RBBP5: variants seen among roughly 807,000 people sequenced by gnomAD.
RBBP5 encodes the protein RB binding protein 5, histone lysine methyltransferase complex subunit, also known as retinoblastoma-binding protein 5.
In RBBP5, 5 loss-of-function variants were observed where a neutral mutation model predicts 72.2. The ratio of observed to expected loss-of-function variants is 0.07; its 90% CI spans 0.04 to 0.15. The LOEUF (loss-of-function observed/expected upper bound fraction) is 0.15, where lower values mean the gene tolerates loss of function less well. Ranked by LOEUF, RBBP5 falls within the 10% of genes least tolerant of loss-of-function variation. The pLI is 1.00. For missense variants in RBBP5, 322 were observed against 652.2 expected (o/e 0.49, Z 5.51); for synonymous variants, 209 against 237.2 (o/e 0.88, Z 1.09).
rs940801324 is a variant in RBBP5 at position 205,088,727 on chromosome 1, C to A, written c.*60G>T. On this transcript the variant is annotated 3_prime_UTR_variant, in exon 14 of 14. Transcript: ENST00000264515. The stretch of plus-strand genomic sequence containing the variant: ...TAAAGTCAATTTTCAAATGACTGAC[C>A]ACAGTGTCCAGAGGCCACATGATGG... 1.3e-6 allele frequency: 2 copies of A among 1,509,084 alleles called. No individual in the cohort carries two copies. Among genetic ancestry groups the A allele is most frequent in the Admixed American group, 3.7e-5 (2 of 53,946 alleles). The allele number at this position is 1,509,084 out of a possible 1,614,324, so 93.5% of individuals were successfully genotyped here.
intron 1 of RBBP5, among the ~76,000 whole-genome samples, chr1:205,119,995 T>C (rs1259392363): frequency 6.6e-6 from 1 of 152,190 alleles, no homozygotes; most frequent in Non-Finnish European, 1.5e-5. Flanking sequence ...CTAGACCACA[T>C]TCAGCTTCTC....
intron 13 of RBBP5, chr1:205,091,381 C>A (rs1017328341): frequency 3.3e-5 from 5 of 152,236 alleles, no homozygotes; most frequent in Non-Finnish European, 7.3e-5. Flanking sequence ...TTAGCCTGGT[C>A]CTTCCCAAAA....
intron 3 of RBBP5, among the ~76,000 whole-genome samples, chr1:205,112,455 T>C (rs12027259): frequency 0.19 from 28,852 of 152,158 alleles, 3,037 homozygotes; most frequent in East Asian, 0.39. Context: ...AGTTCTTGTA[T>C]AGGACATATA....
At chr1:205,090,852 A>G (rs1488885796) in intron 13 of RBBP5, among the ~76,000 whole-genome samples, 1 of 152,114 alleles carries the variant, frequency 6.6e-6, no homozygotes, top group Non-Finnish European at 1.5e-5. Context: ...CTTCACAAGG[A>G]AAGGAAGGAA....
chr1:205,121,693 G>A (rs554267444), intron 1 of RBBP5, among the ~76,000 whole-genome samples, 162 bp downstream of exon 1: 105 of 152,336 alleles, frequency 6.9e-4, no homozygotes, highest in African/African-American at 2.2e-3. Context: ...TACTCGGGCA[G>A]AAGGTGGGCT....
At chr1:205,098,339 C>A (rs1655694051) in intron 10 of RBBP5, among the ~76,000 whole-genome samples, 1 of 152,164 alleles carries the variant, frequency 6.6e-6, no homozygotes, top group Non-Finnish European at 1.5e-5. Flanking sequence ...AAAAGCTGAG[C>A]ACTCTTAGCA....
At chr1:205,106,321 G>A (rs941970492) in intron 3 of RBBP5, among the ~76,000 whole-genome samples, 3 of 152,168 alleles carry the variant, frequency 2.0e-5, no homozygotes, top group South Asian at 2.1e-4. Context: ...TAGGACGGGC[G>A]CAATGGCTCA....
chr1:205,118,790 A>C (rs943830995), intron 1 of RBBP5, among the ~76,000 whole-genome samples: 8 of 152,208 alleles, frequency 5.3e-5, no homozygotes, highest in African/African-American at 1.9e-4. Flanking sequence ...AAGTTTGACA[A>C]ATGATCTTAT....
chr1:205,108,912 T>G (rs965724809), intron 3 of RBBP5, among the ~76,000 whole-genome samples: 1 of 152,212 alleles, frequency 6.6e-6, no homozygotes, highest in East Asian at 1.9e-4. Context: ...TGGCACATAA[T>G]AAGTACTCAA....
chr1:205,100,135 T>C lies in RBBP5; in HGVS notation c.752+17A>G, dbSNP rs1655761789. ...GGTCATGAATGATCACATATTCTTC[T>C]AGGTTGTGATACATACCTATTCACC... is the stretch of plus-strand genomic sequence containing the variant. On this transcript the variant is annotated intron_variant, in intron 7 of 13. Coordinates refer to ENST00000264515, the MANE Select transcript of RBBP5 (RefSeq NM_005057.4). 2 of 1,614,114 alleles carry C rather than the reference T, an allele frequency of 1.2e-6. No homozygotes were observed. The highest frequency in any genetic ancestry group is 1.7e-5 in the Admixed American group (1 of 60,002).
intron 6 of RBBP5, 71 bp from the exon 7 acceptor site, chr1:205,100,342 A>C (rs912984357): frequency 1.3e-4 from 194 of 1,541,868 alleles, no homozygotes; most frequent in Non-Finnish European, 1.6e-4. Flanking sequence ...AACGACTAAT[A>C]AACTAGGGAA....
At chr1:205,095,845 C>T (rs1313073796) in intron 12 of RBBP5, among the ~76,000 whole-genome samples, 1 of 152,124 alleles carries the variant, frequency 6.6e-6, no homozygotes, top group Non-Finnish European at 1.5e-5. Flanking sequence ...ACACAGAAAT[C>T]GATAGCATCA....
intron 3 of RBBP5, among the ~76,000 whole-genome samples, chr1:205,106,197 G>C (rs1350967232): frequency 1.3e-5 from 2 of 152,214 alleles, no homozygotes; most frequent in African/African-American, 2.4e-5. Flanking sequence ...ATGAGGCCAA[G>C]TAAGAAGAAA....
intron 3 of RBBP5, among the ~76,000 whole-genome samples, chr1:205,112,321 A>G (rs1161845425): frequency 6.6e-6 from 1 of 152,206 alleles, no homozygotes; most frequent in Non-Finnish European, 1.5e-5. Context: ...CTGTCTCAAA[A>G]AAATTAAAAT....
intron 13 of RBBP5, among the ~76,000 whole-genome samples, chr1:205,092,663 C>T (rs932960699): frequency 6.6e-6 from 1 of 152,148 alleles, no homozygotes; most frequent in South Asian, 2.1e-4. Flanking sequence ...CTCCTGGGCT[C>T]AAGCAATCCT....
At chr1:205,097,252 G>T in intron 11 of RBBP5, 74 bp downstream of exon 11, 1 of 1,384,126 alleles carries the variant, frequency 7.2e-7, no homozygotes, top group Non-Finnish European at 1.0e-6. Context: ...GGATAGCCAG[G>T]GAAACTGCAG....
chr1:205,107,902 C>CA (rs1656137689), intron 3 of RBBP5, among the ~76,000 whole-genome samples: 4 of 143,502 alleles, frequency 2.8e-5, no homozygotes, highest in South Asian at 2.2e-4. Flanking sequence ...GCCGAGATCG[C>CA]GCTATTGCAC....
chr1:205,119,091 A>C (rs777976169), intron 1 of RBBP5, among the ~76,000 whole-genome samples: 1 of 152,114 alleles, frequency 6.6e-6, no homozygotes, highest in Admixed American at 6.6e-5. Flanking sequence ...CTAACCTTCC[A>C]GTGCTAAATA....
chr1:205,088,453 T>G lies in RBBP5; in HGVS notation c.*334A>C. On this transcript the variant is annotated 3_prime_UTR_variant, in exon 14 of 14. Transcript: ENST00000264515. ...AATGACATGTCAAAATGACGCTGGG[T>G]ACAATGAAGTTAGATGAGCAAAACA... 3.8e-6 allele frequency: 1 copy of G among 262,198 alleles called. No individual in the cohort carries two copies. Among genetic ancestry groups the G allele is most frequent in the South Asian group, 6.3e-5 (1 of 15,932 alleles). 16.2% of individuals were successfully genotyped at this position (262,198 alleles called of 1,614,324 possible).
Sources: gnomAD v4.1 joint callset for allele counts (sites outside exome capture counted in the v4.1 genomes callset) on GRCh38, gnomAD v4.1.1 for gene constraint, MANE v1.5 for transcripts, NCBI Gene and HGNC (gene_info 2026-07-23, HGNC 2026-07-21) for gene names.